The following LYN variants were observed in gnomAD, a reference collection of about 807,000 sequenced individuals.
LYN encodes the protein tyrosine-protein kinase Lyn.
In LYN, 12 loss-of-function variants were observed where a neutral mutation model predicts 65.0. The observed-to-expected ratio is 0.18, with a 90% CI of 0.12 to 0.30. The LOEUF (loss-of-function observed/expected upper bound fraction) is 0.30. Among genes scored for constraint, LYN ranks in the 10% least tolerant of loss-of-function variants. The probability of loss-of-function intolerance (pLI) is 1.00; values close to 1 mark genes in which losing one functional copy is unlikely to be tolerated. For missense variants in LYN, 380 were observed against 623.2 expected (o/e 0.61, Z 4.16); for synonymous variants, 222 against 221.2 (o/e 1.00, Z -0.03).
chr8:55,889,757 C>T (rs760884122), intron 1 of LYN, among the ~76,000 whole-genome samples: 3 of 152,046 alleles, frequency 2.0e-5, no homozygotes, highest in Admixed American at 6.6e-5. Context: ...CAGGGCAGGG[C>T]GGTAGAGCAC....
chr8:55,951,935 TA>T, intron 6 of LYN, 30 bp from the exon 7 acceptor site: 2 of 1,595,258 alleles, frequency 1.3e-6, no homozygotes, highest in African/African-American at 2.7e-5. Context: ...TTGTGAGATA[TA>T]AACATTTACT....
chr8:55,986,172 A>G (rs1273930794), intron 10 of LYN, among the ~76,000 whole-genome samples: 1 of 147,718 alleles, frequency 6.8e-6, no homozygotes, highest in African/African-American at 2.6e-5. Context: ...CTCAAAAAAA[A>G]AATCCACCAG....
At chr8:55,987,897 A>G (rs1808127069) in intron 10 of LYN, among the ~76,000 whole-genome samples, 1 of 152,222 alleles carries the variant, frequency 6.6e-6, no homozygotes, top group Non-Finnish European at 1.5e-5. Flanking sequence ...GGCTTATTTT[A>G]ACGACTAACA....
At chr8:55,946,029 G>T (rs1397982365) in intron 2 of LYN, among the ~76,000 whole-genome samples, 1 of 152,224 alleles carries the variant, frequency 6.6e-6, no homozygotes, top group Non-Finnish European at 1.5e-5. Context: ...CAAGGGAAAA[G>T]GGGAGCTGAC....
At chr8:55,950,822 TAGGAAATTATTTTTA>T (rs781630718) in intron 6 of LYN, 38 bp downstream of exon 6, 1 of 1,403,584 alleles carries the variant, frequency 7.1e-7, no homozygotes, top group Non-Finnish European at 1.0e-6. Flanking sequence ...AAACACTATT[TAGGAAATTATTTTTA>T]GAAACTATTC....
Position 56,010,075 on chromosome 8 carries a change from A to G in LYN, c.1504A>G (p.Thr502Ala). 1.2e-6 allele frequency: 2 copies of G among 1,614,178 alleles called. No homozygotes were observed. The highest frequency in any genetic ancestry group is 1.7e-6 in the Non-Finnish European group (2 of 1,180,028). Residue 502 changes from threonine (T) to alanine (A), a missense_variant, in exon 13 of 13, where the codon ACA (threonine) becomes GCA (alanine). Transcript: ENST00000519728. ...ACAGAGCGTCCTGGATGATTTCTACACAGCCACGGAAGGGCAATACCAGCA... is the reference window on the plus strand; with the variant it reads ...ACAGAGCGTCCTGGATGATTTCTACGCAGCCACGGAAGGGCAATACCAGCA... ...YLQSVLDDFY[T>A]ATEGQYQQQP
At chr8:55,924,766 C>T (rs1005037829) in intron 1 of LYN, among the ~76,000 whole-genome samples, 6 of 152,156 alleles carry the variant, frequency 3.9e-5, no homozygotes, top group African/African-American at 9.7e-5. Flanking sequence ...CTCTCCAGTT[C>T]ACTTCTAGTA....
At chr8:55,899,633 C>CCTTTT (rs752726842) in intron 1 of LYN, among the ~76,000 whole-genome samples, 37 of 152,130 alleles carry the variant, frequency 2.4e-4, no homozygotes, top group South Asian at 2.1e-3. Flanking sequence ...AGTTATCATC[C>CCTTTT]CTTTTCTTTT....
intron 12 of LYN, among the ~76,000 whole-genome samples, chr8:56,006,584 C>T (rs983635357): frequency 6.6e-6 from 1 of 152,196 alleles, no homozygotes; most frequent in South Asian, 2.1e-4. Flanking sequence ...CTTCTGCTCC[C>T]CACCACCTCC....
At chr8:55,967,749 A>G (rs1807504133) in intron 9 of LYN, among the ~76,000 whole-genome samples, 1 of 152,202 alleles carries the variant, frequency 6.6e-6, no homozygotes, top group Non-Finnish European at 1.5e-5. Context: ...ATTGCTGGAG[A>G]ATAGACTTCA....
intron 10 of LYN, among the ~76,000 whole-genome samples, chr8:55,997,264 C>T (rs559706609): frequency 3.9e-5 from 6 of 152,102 alleles, no homozygotes; most frequent in Non-Finnish European, 5.9e-5. Flanking sequence ...CTGACAGAAA[C>T]GACATCCTGT....
chr8:55,881,098 T>C (rs949079710), intron 1 of LYN, among the ~76,000 whole-genome samples: 1 of 152,228 alleles, frequency 6.6e-6, no homozygotes, highest in Non-Finnish European at 1.5e-5. Context: ...AGGGGCTGTT[T>C]AGTACACACA....
Position 55,950,639 on chromosome 8 carries a change from C to T in LYN, c.384-42C>T, listed in dbSNP as rs747333273. The T allele has an allele frequency of 1.3e-5, 20 of 1,574,054 alleles. No individual in the cohort carries two copies. The African/African-American group carries it at 1.6e-4, about 13-fold the overall frequency. ...TTAATATTCTTCACCTTTTTCTTGC[C>T]GTGGAACATAATATGCAGGAAATGT... On this transcript the variant is annotated intron_variant, in intron 5 of 12. Coordinates refer to ENST00000519728, the MANE Select transcript of LYN (RefSeq NM_002350.4).
At chr8:55,934,391 G>A (rs1806363919) in intron 1 of LYN, among the ~76,000 whole-genome samples, 1 of 152,228 alleles carries the variant, frequency 6.6e-6, no homozygotes, top group African/African-American at 2.4e-5. Flanking sequence ...GCAATCTTGT[G>A]TTTAGGTAGG....
chr8:55,942,431 ATGTGTG>A (rs1179290515), intron 2 of LYN, among the ~76,000 whole-genome samples: 1 of 133,274 alleles, frequency 7.5e-6, no homozygotes, highest in Non-Finnish European at 1.5e-5. Flanking sequence ...ATATATATAT[ATGTGTG>A]TGTGTGTATA....
intron 1 of LYN, among the ~76,000 whole-genome samples, chr8:55,892,930 C>T (rs1487355393): frequency 6.6e-6 from 1 of 152,076 alleles, no homozygotes; most frequent in Non-Finnish European, 1.5e-5. Context: ...TTGACCCTCC[C>T]CCAAGCAGTA....
intron 1 of LYN, among the ~76,000 whole-genome samples, chr8:55,890,117 C>CAAAAAAAAAAAAAA (rs34706733): frequency 5.1e-4 from 40 of 79,048 alleles, no homozygotes; most frequent in Admixed American, 1.0e-3. Flanking sequence ...CCTCTATAGA[C>CAAAAAAAAAAAAAA]AAAAAAAAAA....
At chr8:55,965,548 T>A (rs902357381) in intron 8 of LYN, among the ~76,000 whole-genome samples, 5 of 152,174 alleles carry the variant, frequency 3.3e-5, no homozygotes, top group African/African-American at 9.7e-5. Flanking sequence ...AAAGAAAATG[T>A]GGTAAATAGT....
chr8:55,914,672 C>G (rs1805735698), intron 1 of LYN, among the ~76,000 whole-genome samples: 1 of 152,176 alleles, frequency 6.6e-6, no homozygotes, highest in Admixed American at 6.5e-5. Context: ...TATGTTCCTT[C>G]TACCTCCTTT....
Sources: gnomAD v4.1 joint callset for allele counts (sites outside exome capture counted in the v4.1 genomes callset) on GRCh38, gnomAD v4.1.1 for gene constraint, MANE v1.5 for transcripts, NCBI Gene and HGNC (gene_info 2026-07-23, HGNC 2026-07-21) for gene names.